The following IL1R1 variants were observed in gnomAD, a reference collection of about 807,000 sequenced individuals.
IL1R1 encodes interleukin 1 receptor type 1, also known as interleukin-1 receptor type 1.
A neutral mutation model predicts 50.2 loss-of-function variants in IL1R1; 22 were observed. The ratio of observed to expected loss-of-function variants is 0.44; its 90% confidence interval spans 0.31 to 0.63. IL1R1 has a LOEUF of 0.63. Ranked by LOEUF, IL1R1 falls within the 20% of genes least tolerant of loss-of-function variation. The probability of loss-of-function intolerance (pLI) is 0.07; values close to 1 mark genes in which losing one functional copy is unlikely to be tolerated. For missense variants in IL1R1, 509 were observed against 676.2 expected (o/e 0.75, Z 2.74); for synonymous variants, 251 against 236.7 (o/e 1.06, Z -0.55).
At position 102,171,815 on chromosome 2, in the gene IL1R1, T is replaced by C. The variant is rs35308674; in HGVS notation, c.736T>C (p.Leu246=). ...ATTCTTTGCAGGATCCCAGATACAATTGATCTGTAATGTCACCGGCCAGTT... is the reference window on the plus strand; with the variant it reads ...ATTCTTTGCAGGATCCCAGATACAACTGATCTGTAATGTCACCGGCCAGTT... ...MEVDLGSQIQ[L]ICNVTGQLSD... Residue 246 remains leucine, a synonymous_variant, in exon 8 of 12, where the codon TTG becomes CTG. Transcript: ENST00000410023. 2.1e-5 allele frequency: 33 copies of C among 1,593,276 alleles called. No individual in the cohort carries two copies. The highest frequency in any genetic ancestry group is 1.7e-4 in the Middle Eastern group (1 of 6,024).
chr2:102,119,623 G>A (rs1331974681), intron 1 of IL1R1, among the ~76,000 whole-genome samples: 1 of 152,122 alleles, frequency 6.6e-6, no homozygotes, highest in African/African-American at 2.4e-5. Context: ...TGGTTCCATA[G>A]GTAGATTTTC....
chr2:102,172,612 C>T, intron 8 of IL1R1, 75 bp from the exon 9 acceptor site: 1 of 1,257,964 alleles, frequency 7.9e-7, no homozygotes. Context: ...TAAGGAAATA[C>T]ACAGGGTATA....
At chr2:102,118,067 G>C (rs543668370) in intron 1 of IL1R1, among the ~76,000 whole-genome samples, 39 of 152,146 alleles carry the variant, frequency 2.6e-4, no homozygotes, top group African/African-American at 9.2e-4. Flanking sequence ...GGAATTTCCT[G>C]GGTGATGGGA....
chr2:102,084,597 A>C lies in IL1R1; in HGVS notation c.-84+14064A>C, dbSNP rs558224519. Among the ~76,000 whole-genome samples, 33 of 152,366 alleles carry C rather than the reference A, an allele frequency of 2.2e-4. No homozygotes were observed. In the South Asian group the frequency reaches 5.0e-3, roughly 23 times the overall value. ...CAACTAAATTAATTTTCACAAAATC[A>C]TATTTTGTGAATATGCTATGATTTA... On this transcript the variant is annotated intron_variant, in intron 1 of 11. Coordinates refer to the IL1R1 transcript ENST00000409929.
chr2:102,151,677 C>T (rs528765602), intron 1 of IL1R1, among the ~76,000 whole-genome samples: 3 of 152,308 alleles, frequency 2.0e-5, no homozygotes, highest in Non-Finnish European at 1.5e-5. Flanking sequence ...TGCATTGCAC[C>T]AGGGAGAGCC....
chr2:102,106,953 G>T (rs193164783), intron 1 of IL1R1, among the ~76,000 whole-genome samples: 1 of 151,962 alleles, frequency 6.6e-6, no homozygotes, highest in African/African-American at 2.4e-5. Flanking sequence ...CTAAACCTTT[G>T]CATCTCCTTG....
rs143749401 is a variant in IL1R1 at position 102,077,199 on chromosome 2, T to C, written c.-84+6666T>C. 3.3e-5 allele frequency among the ~76,000 whole-genome samples: 5 copies of C among 152,230 alleles called. No homozygotes were observed. The East Asian group carries it at 9.7e-4, about 29-fold the overall frequency. ...AATTCTCACATCTCAGCCTCCTGAG[T>C]AGCTGGGATTACAGGTGCCTGCCAC... On this transcript the variant is annotated intron_variant, in intron 1 of 11. Coordinates refer to the IL1R1 transcript ENST00000409929.
intron 1 of IL1R1, among the ~76,000 whole-genome samples, chr2:102,149,371 G>A (rs1400777214): frequency 6.6e-6 from 1 of 152,180 alleles, no homozygotes; most frequent in Non-Finnish European, 1.5e-5. Flanking sequence ...CAGATTTGGG[G>A]CTTGGCTATG....
In IL1R1 at chr2:102,155,391, A is replaced by G. The variant is rs3917235; in HGVS notation, c.-7+1374A>G. ...ATGTTGAGGGACTTCTGACTTGGAT[A>G]GCCGTTCAACTGCGAGCACTATGGA... On this transcript the variant is annotated intron_variant, in intron 2 of 11. Transcript: ENST00000410023. 1.2e-3 allele frequency among the ~76,000 whole-genome samples: 180 copies of G among 152,332 alleles called. 1 individual carries two copies. The highest frequency in any genetic ancestry group is 4.2e-3 in the African/African-American group (176 of 41,584).
At position 102,176,669 on chromosome 2, in the gene IL1R1, C is replaced by G. The variant is rs1267917293; in HGVS notation, c.1620C>G (p.Val540=). The G allele has an allele frequency of 1.2e-6, 2 of 1,614,184 alleles. No homozygotes were observed. The highest frequency in any genetic ancestry group is 2.2e-5 in the East Asian group (1 of 44,876). ...FWKNVRYHMP[V]QRRSPSSKHQ... is the part of the protein sequence containing the mutation. ...AGAATGTCAGGTACCACATGCCAGTCCAGCGACGGTCACCTTCATCTAAAC... is the reference window on the plus strand; with the variant it reads ...AGAATGTCAGGTACCACATGCCAGTGCAGCGACGGTCACCTTCATCTAAAC... Residue 540 remains valine (V), a synonymous_variant, in exon 12 of 12, where the codon GTC becomes GTG. Transcript: ENST00000410023.
At chr2:102,174,281 TG>T (rs1685923914) in intron 9 of IL1R1, among the ~76,000 whole-genome samples, 2 of 152,174 alleles carry the variant, frequency 1.3e-5, no homozygotes, top group Non-Finnish European at 1.5e-5. Flanking sequence ...GGCTTTTGAG[TG>T]ATTTTAACTT....
At chr2:102,153,048 G>C (rs938123935) in intron 1 of IL1R1, among the ~76,000 whole-genome samples, 7 of 152,132 alleles carry the variant, frequency 4.6e-5, no homozygotes, top group African/African-American at 1.7e-4. Context: ...TGAATTAATG[G>C]TGAAAGATCT....
At chr2:102,112,911 G>C (rs932264938) in intron 1 of IL1R1, among the ~76,000 whole-genome samples, 1 of 152,148 alleles carries the variant, frequency 6.6e-6, no homozygotes, top group African/African-American at 2.4e-5. Flanking sequence ...AATGGGATTA[G>C]TGCCCCTGTA....
chr2:102,170,691 A>C (rs1685593929), intron 7 of IL1R1, among the ~76,000 whole-genome samples: 1 of 152,194 alleles, frequency 6.6e-6, no homozygotes, highest in Non-Finnish European at 1.5e-5. Context: ...CTTTGAAAAT[A>C]TGTGGAATTT....
intron 1 of IL1R1, among the ~76,000 whole-genome samples, chr2:102,071,087 G>A (rs2058651): frequency 0.57 from 86,841 of 152,012 alleles, 25,979 homozygotes; most frequent in East Asian, 0.83. Flanking sequence ...GCATCATTAT[G>A]TGTTATATCA....
At chr2:102,106,459 A>G (rs1018113649) in intron 1 of IL1R1, among the ~76,000 whole-genome samples, 11 of 152,344 alleles carry the variant, frequency 7.2e-5, no homozygotes, top group Middle Eastern at 3.4e-3. Flanking sequence ...TGAACTGACA[A>G]ACCCCGTTGA....
chr2:102,108,859 C>A (rs1306366350), intron 1 of IL1R1, among the ~76,000 whole-genome samples: 1 of 151,532 alleles, frequency 6.6e-6, no homozygotes, highest in Non-Finnish European at 1.5e-5. Flanking sequence ...AAGGAGGCAT[C>A]GATTTTCACT....
intron 1 of IL1R1, among the ~76,000 whole-genome samples, chr2:102,146,101 G>C (rs996912474): frequency 6.6e-6 from 1 of 152,078 alleles, no homozygotes; most frequent in South Asian, 2.1e-4. Context: ...AGCACAGTTC[G>C]GTAATCATGG....
intron 1 of IL1R1, among the ~76,000 whole-genome samples, chr2:102,152,778 T>A (rs945285480): frequency 6.6e-6 from 1 of 152,238 alleles, no homozygotes; most frequent in Admixed American, 6.5e-5. Flanking sequence ...TCTGCTATGA[T>A]GTGATTCCAA....
Sources: gnomAD v4.1 joint callset for allele counts (sites outside exome capture counted in the v4.1 genomes callset) on GRCh38, gnomAD v4.1.1 for gene constraint, MANE v1.5 for transcripts, NCBI Gene and HGNC (gene_info 2026-07-23, HGNC 2026-07-21) for gene names.